The following AKAP10 variants were observed in gnomAD, a reference collection of about 807,000 sequenced individuals.
The protein encoded by AKAP10 is A-kinase anchoring protein 10.
In AKAP10, 24 loss-of-function variants were observed where a neutral mutation model predicts 80.8. That is an observed-to-expected ratio of 0.30 (90% CI 0.22 to 0.42). The LOEUF (loss-of-function observed/expected upper bound fraction) is 0.42, where lower values mean the gene tolerates loss of function less well. Among genes scored for constraint, AKAP10 ranks in the 10% least tolerant of loss-of-function variants. AKAP10 has a pLI of 1.00. For missense variants in AKAP10, 661 were observed against 794.9 expected (o/e 0.83, Z 2.03); for synonymous variants, 291 against 277.7 (o/e 1.05, Z -0.48).
At chr17:19,964,404 T>C (rs936868316) in intron 2 of AKAP10, among the ~76,000 whole-genome samples, 1 of 152,240 alleles carries the variant, frequency 6.6e-6, no homozygotes, top group Non-Finnish European at 1.5e-5. Context: ...GCTCTCATTC[T>C]TTTAATACCC....
intron 3 of AKAP10, among the ~76,000 whole-genome samples, chr17:19,960,094 A>G (rs2043330389): frequency 6.6e-6 from 1 of 152,160 alleles, no homozygotes; most frequent in Admixed American, 6.5e-5. Flanking sequence ...AAAAATAATA[A>G]TACCTAGAGA....
intron 4 of AKAP10, among the ~76,000 whole-genome samples, chr17:19,951,641 TA>T (rs2043215268): frequency 6.6e-6 from 1 of 152,014 alleles, no homozygotes; most frequent in South Asian, 2.1e-4. Flanking sequence ...CACTCAGGGT[TA>T]AATGGATTAA....
intron 5 of AKAP10, among the ~76,000 whole-genome samples, chr17:19,942,806 C>A (rs866944364): frequency 3.9e-4 from 60 of 152,158 alleles, no homozygotes; most frequent in African/African-American, 1.4e-3. Flanking sequence ...ACCAAGGGAT[C>A]ATACTAGTGT....
chr17:19,946,254 TA>T (rs1414847312), intron 5 of AKAP10, among the ~76,000 whole-genome samples: 1,266 of 24,766 alleles, frequency 0.051, 155 homozygotes, highest in African/African-American at 0.094. Flanking sequence ...TATATATATA[TA>T]TATATATATA....
chr17:19,939,315 TTTGA>T (rs1269597650), intron 8 of AKAP10, among the ~76,000 whole-genome samples: 9 of 152,204 alleles, frequency 5.9e-5, no homozygotes, highest in African/African-American at 2.2e-4. Context: ...TCCCCACTCC[TTTGA>T]TTATCTAAAC....
At chr17:19,946,237 T>TATTATTTA (rs1491288818) in intron 5 of AKAP10, among the ~76,000 whole-genome samples, 2 of 15,184 alleles carry the variant, frequency 1.3e-4, no homozygotes, top group Non-Finnish European at 1.0e-4. Context: ...TATATATATA[T>TATTATTTA]TATATATATA....
At chr17:19,966,421 T>G (rs2043419385) in intron 2 of AKAP10, among the ~76,000 whole-genome samples, 1 of 152,224 alleles carries the variant, frequency 6.6e-6, no homozygotes, top group Non-Finnish European at 1.5e-5. Flanking sequence ...TAAGTCTTTT[T>G]TGTTCACCGT....
At chr17:19,955,856 A>G (rs2043269608) in intron 4 of AKAP10, among the ~76,000 whole-genome samples, 1 of 152,100 alleles carries the variant, frequency 6.6e-6, no homozygotes, top group South Asian at 2.1e-4. Flanking sequence ...AATTACAGAA[A>G]CAGACTTTGG....
At chr17:19,942,053 TG>T (rs2043055805) in intron 5 of AKAP10, 143 bp from the exon 6 acceptor site, 1 of 494,510 alleles carries the variant, frequency 2.0e-6, no homozygotes, top group Non-Finnish European at 3.3e-6. Flanking sequence ...AGGTAACACT[TG>T]ATCTTAAAAT....
intron 4 of AKAP10, among the ~76,000 whole-genome samples, chr17:19,955,363 A>G (rs900650000): frequency 1.3e-5 from 2 of 152,224 alleles, no homozygotes; most frequent in African/African-American, 2.4e-5. Flanking sequence ...TATAGTGGTG[A>G]CAGTTACAGG....
Position 19,936,281 on chromosome 17 carries a change from G to C in AKAP10, c.1467+5C>G. The C allele has an allele frequency of 1.2e-6, 2 of 1,606,996 alleles. No homozygotes were observed. The highest frequency in any genetic ancestry group is 1.7e-6 in the Non-Finnish European group (2 of 1,176,626). Reference sequence around the variant, plus strand: ...TAGTTTGATACGTTTGAAGTTCTGGGTTACCTTCTCCATGGTTGTCCAGGC... The same window carrying C: ...TAGTTTGATACGTTTGAAGTTCTGGCTTACCTTCTCCATGGTTGTCCAGGC... On this transcript the variant is annotated splice_donor_5th_base_variant and intron_variant, in intron 9 of 14. Coordinates refer to ENST00000225737, the MANE Select transcript of AKAP10 (RefSeq NM_007202.4).
intron 4 of AKAP10, among the ~76,000 whole-genome samples, chr17:19,953,374 C>T (rs1375327700): frequency 6.6e-6 from 1 of 150,626 alleles, no homozygotes; most frequent in Non-Finnish European, 1.5e-5. Context: ...TAAAATAAAC[C>T]CAAAGCAAGC....
chr17:19,920,140 A>G, intron 11 of AKAP10, 22 bp from the exon 12 acceptor site: 1 of 1,525,494 alleles, frequency 6.6e-7, no homozygotes, highest in South Asian at 1.1e-5. Flanking sequence ...TGAACAGAAG[A>G]CTTTAACTTC....
chr17:19,961,809 T>G (rs1281354860), intron 3 of AKAP10, among the ~76,000 whole-genome samples: 5 of 152,202 alleles, frequency 3.3e-5, no homozygotes. Context: ...CCACGTCTTT[T>G]TTAGATTTCT....
intron 4 of AKAP10, among the ~76,000 whole-genome samples, chr17:19,950,423 C>T (rs2043187074): frequency 6.6e-6 from 1 of 152,238 alleles, no homozygotes; most frequent in Admixed American, 6.5e-5. Context: ...GATTCTCCTG[C>T]CTCAGCCTGC....
intron 1 of AKAP10, among the ~76,000 whole-genome samples, chr17:19,973,790 C>T (rs1036368770): frequency 1.1e-4 from 16 of 152,212 alleles, no homozygotes; most frequent in African/African-American, 3.6e-4. Context: ...GATGGTGAGA[C>T]GTGGTAGGAT....
chr17:19,973,631 G>A (rs185751923), intron 1 of AKAP10, among the ~76,000 whole-genome samples: 1 of 152,292 alleles, frequency 6.6e-6, no homozygotes, highest in East Asian at 1.9e-4. Context: ...GGAAGCCTAT[G>A]GCAAAATAAT....
chr17:19,908,080 G>T (rs1055374317), intron 14 of AKAP10, among the ~76,000 whole-genome samples: 1 of 151,102 alleles, frequency 6.6e-6, no homozygotes, highest in Non-Finnish European at 1.5e-5. Flanking sequence ...AGCCAGGCTG[G>T]TCTTGAACTC....
rs140387915 is a variant in AKAP10 at position 19,920,101 on chromosome 17, C to T, written c.1769G>A (p.Arg590Lys). ...GATGAATTGCCCCAAGTCACTGACT[C>T]TTCCAAATGTCATCTTCCTAAATAA... ...RTYAGKMTFG[R>K]VSDLGQFIRE... is the part of the protein sequence containing the mutation. Residue 590 changes from arginine to lysine, a missense_variant, in exon 12 of 15, where the codon AGA (arginine) becomes AAA (lysine). Coordinates refer to ENST00000225737, the MANE Select transcript of AKAP10 (RefSeq NM_007202.4). 4.0e-5 allele frequency: 64 copies of T among 1,612,084 alleles called. No individual in the cohort carries two copies. In the African/African-American group the frequency reaches 7.6e-4, roughly 19 times the overall value.
Sources: gnomAD v4.1 joint callset for allele counts (sites outside exome capture counted in the v4.1 genomes callset) on GRCh38, gnomAD v4.1.1 for gene constraint, MANE v1.5 for transcripts, NCBI Gene and HGNC (gene_info 2026-07-23, HGNC 2026-07-21) for gene names.